The following MAP7D2 variants were observed in gnomAD, a reference collection of about 807,000 sequenced individuals.
MAP7D2 encodes MAP7 domain containing 2.
Under a neutral mutation model 63.5 loss-of-function variants are expected in MAP7D2, and 33 were observed. The ratio of observed to expected loss-of-function variants is 0.52; its 90% CI spans 0.39 to 0.70. MAP7D2 has a LOEUF of 0.70. MAP7D2 is among the 30% of genes least tolerant of loss of function. The probability of loss-of-function intolerance (pLI) is 0.00; values close to 1 mark genes in which losing one functional copy is unlikely to be tolerated. For missense variants in MAP7D2, 626 were observed against 604.0 expected (o/e 1.04, Z -0.38); for synonymous variants, 224 against 223.7 (o/e 1.00, Z -0.01).
At chrX:20,058,259 G>A (rs2065115797) in intron 3 of MAP7D2, among the ~76,000 whole-genome samples, 1 of 112,630 alleles carries the variant, frequency 8.9e-6, no homozygotes, top group South Asian at 3.6e-4. Context: ...TCTCTGCCAT[G>A]TGATGCCTGA....
At chrX:20,014,058 CATGAGA>C (rs2073296716) in intron 12 of MAP7D2, among the ~76,000 whole-genome samples, 1 of 112,094 alleles carries the variant, frequency 8.9e-6, no homozygotes, top group Admixed American at 9.4e-5. Flanking sequence ...CCTAGGACAC[CATGAGA>C]ATACTCCTTT....
At chrX:20,094,290 T>C (rs1490186355) in intron 1 of MAP7D2, among the ~76,000 whole-genome samples, 2 of 103,871 alleles carry the variant, frequency 1.9e-5, no homozygotes, top group Non-Finnish European at 3.9e-5. Context: ...TTCCAGAGCA[T>C]TGCTGGGGAG....
chrX:20,026,595 TGGGGATG>T (rs2073851152), intron 8 of MAP7D2, among the ~76,000 whole-genome samples: 1 of 112,049 alleles, frequency 8.9e-6, no homozygotes, highest in African/African-American at 3.2e-5. Flanking sequence ...AGCCAAGAGA[TGGGGATG>T]GGGGGTGTTT....
chrX:20,069,733 C>G (rs1378062521), intron 1 of MAP7D2, among the ~76,000 whole-genome samples: 2 of 108,406 alleles, frequency 1.8e-5, no homozygotes, highest in African/African-American at 6.8e-5. Context: ...GATACTACCA[C>G]TGGGGGAAAC....
intron 1 of MAP7D2, among the ~76,000 whole-genome samples, chrX:20,093,592 G>A (rs2066127681): frequency 9.0e-6 from 1 of 111,209 alleles, no homozygotes. Context: ...GGGAGGCAGA[G>A]GTTGTAGCGA....
chrX:20,090,878 G>T (rs1213999684), intron 1 of MAP7D2, among the ~76,000 whole-genome samples: 7 of 110,794 alleles, frequency 6.3e-5, no homozygotes, highest in African/African-American at 2.3e-4. Context: ...AGGCTGAGGT[G>T]GGACTGCTTG....
At chrX:20,102,830 T>C (rs989056136) in intron 1 of MAP7D2, among the ~76,000 whole-genome samples, 2 of 109,420 alleles carry the variant, frequency 1.8e-5, no homozygotes, top group African/African-American at 3.3e-5. Context: ...ATGAGAAGGG[T>C]AGATAGCAGC....
At chrX:20,076,798 G>A (rs1482197506) in intron 1 of MAP7D2, among the ~76,000 whole-genome samples, 4 of 111,938 alleles carry the variant, frequency 3.6e-5, no homozygotes, top group African/African-American at 9.7e-5. Context: ...ACAAATCTAC[G>A]CCGTTAATAG....
At chrX:20,010,021 G>C (rs1051576715) in intron 16 of MAP7D2, among the ~76,000 whole-genome samples, 5 of 111,664 alleles carry the variant, frequency 4.5e-5, no homozygotes, top group Non-Finnish European at 9.4e-5. Flanking sequence ...AATCTGAAGT[G>C]GGAGGAGCAA....
chrX:20,096,081 CAAAAAAAAA>C (rs1208579984), intron 1 of MAP7D2, among the ~76,000 whole-genome samples: 2 of 14,893 alleles, frequency 1.3e-4, no homozygotes, highest in African/African-American at 2.6e-4. Flanking sequence ...GACTCTTCCT[CAAAAAAAAA>C]AAAAAAAAAA....
intron 1 of MAP7D2, among the ~76,000 whole-genome samples, chrX:20,069,687 A>G (rs2065449259): frequency 9.0e-6 from 1 of 110,944 alleles, no homozygotes; most frequent in African/African-American, 3.3e-5. Context: ...ATCAGTGGTA[A>G]CATTTTAGTT....
At chrX:20,043,948 C>T (rs1017123724) in intron 7 of MAP7D2, among the ~76,000 whole-genome samples, 4 of 111,551 alleles carry the variant, frequency 3.6e-5, no homozygotes, top group Non-Finnish European at 5.7e-5. Context: ...GCCTGGGCAA[C>T]ATAAAAAGAC....
intron 3 of MAP7D2, 107 bp downstream of exon 3, chrX:20,063,307 T>C (rs2065267284): frequency 1.1e-6 from 1 of 874,801 alleles, no homozygotes; most frequent in African/African-American, 2.0e-5. Context: ...AAGGAGAAGG[T>C]GCACGGCAGG....
intron 5 of MAP7D2, among the ~76,000 whole-genome samples, chrX:20,052,642 C>A (rs1165112059): frequency 1.8e-5 from 2 of 112,244 alleles, no homozygotes; most frequent in Non-Finnish European, 3.8e-5. Flanking sequence ...CTCTTTCAGA[C>A]TGGGAGACTG....
At chrX:20,009,392 G>A (rs1255098117) in intron 16 of MAP7D2, among the ~76,000 whole-genome samples, 2 of 111,566 alleles carry the variant, frequency 1.8e-5, no homozygotes, top group African/African-American at 3.3e-5. Context: ...GGCCGGGCGC[G>A]GTGGCTCACG....
In MAP7D2 at chrX:20,103,290, C is replaced by T. The variant is rs554317609; in HGVS notation, c.130+13460G>A. On this transcript the variant is annotated intron_variant, in intron 1 of 16. Coordinates refer to ENST00000379643, the MANE Select transcript of MAP7D2 (RefSeq NM_001168465.2). ...AGTTGTGAAACTAAAGACCCTGGCT[C>T]CAGTTTTTACTCTTCAGTTGTGCCA... 2.2e-4 allele frequency among the ~76,000 whole-genome samples: 25 copies of T among 112,282 alleles called. No homozygotes were observed. The South Asian group carries it at 7.1e-3, about 32-fold the overall frequency.
intron 10 of MAP7D2, among the ~76,000 whole-genome samples, chrX:20,018,575 C>T (rs1005031696): frequency 2.8e-5 from 3 of 107,967 alleles, no homozygotes; most frequent in African/African-American, 1.0e-4. Flanking sequence ...CCCAAGTAGC[C>T]GGGACTACAG....
intron 8 of MAP7D2, among the ~76,000 whole-genome samples, chrX:20,039,448 G>A (rs1013131065): frequency 4.5e-5 from 5 of 112,228 alleles, no homozygotes; most frequent in Non-Finnish European, 7.5e-5. Flanking sequence ...AAGGATAGGC[G>A]TAATTACGAC....
intron 1 of MAP7D2, among the ~76,000 whole-genome samples, chrX:20,094,546 A>G (rs868490535): frequency 2.7e-3 from 23 of 8,495 alleles, no homozygotes; most frequent in East Asian, 4.9e-3. Flanking sequence ...ATATATGTAT[A>G]TATATATATA....
Sources: gnomAD v4.1 joint callset for allele counts (sites outside exome capture counted in the v4.1 genomes callset) on GRCh38, gnomAD v4.1.1 for gene constraint, MANE v1.5 for transcripts, NCBI Gene and HGNC (gene_info 2026-07-23, HGNC 2026-07-21) for gene names.